KIRREL1: variants seen among roughly 807,000 people sequenced by gnomAD.
KIRREL1 encodes kin of IRRE-like protein 1.
Under a neutral mutation model 83.3 loss-of-function variants are expected in KIRREL1, and 25 were observed. The observed-to-expected ratio is 0.30, with a 90% CI of 0.22 to 0.42. The LOEUF is 0.42. KIRREL1 is among the 10% of genes least tolerant of loss of function. KIRREL1 has a pLI of 1.00. For synonymous variants in KIRREL1, 388 were observed against 410.4 expected (o/e 0.95, Z 0.66); for missense variants, 812 against 1,032.3 (o/e 0.79, Z 2.92).
chr1:158,045,867 A>G (rs987883890), intron 1 of KIRREL1, among the ~76,000 whole-genome samples: 1 of 152,162 alleles, frequency 6.6e-6, no homozygotes, highest in Non-Finnish European at 1.5e-5. Context: ...AATGAATAAC[A>G]AAGACATTCT....
chr1:158,071,054 G>A (rs988666883), intron 1 of KIRREL1, among the ~76,000 whole-genome samples: 2 of 152,084 alleles, frequency 1.3e-5, no homozygotes, highest in Non-Finnish European at 1.5e-5. Flanking sequence ...TCCCACCTCT[G>A]TCTTTCTCCT....
At chr1:158,084,264 A>G (rs980767129) in intron 3 of KIRREL1, among the ~76,000 whole-genome samples, 158 bp from the exon 4 acceptor site, 1 of 152,158 alleles carries the variant, frequency 6.6e-6, no homozygotes, top group African/African-American at 2.4e-5. Context: ...CCACCACAAG[A>G]GCAATGAAGA....
At chr1:158,084,176 A>G (rs1661951177) in intron 3 of KIRREL1, among the ~76,000 whole-genome samples, 2 of 152,142 alleles carry the variant, frequency 1.3e-5, no homozygotes, top group African/African-American at 4.8e-5. Context: ...GGCATGGAGT[A>G]CCAGAAAATA....
intron 1 of KIRREL1, among the ~76,000 whole-genome samples, chr1:158,062,342 G>A (rs1461529299): frequency 6.6e-6 from 1 of 152,172 alleles, no homozygotes; most frequent in Non-Finnish European, 1.5e-5. Flanking sequence ...TGCTCCTACA[G>A]CTCTTAATTA....
intron 1 of KIRREL1, among the ~76,000 whole-genome samples, chr1:158,027,098 G>A (rs1028279557): frequency 4.6e-5 from 7 of 152,078 alleles, no homozygotes; most frequent in Admixed American, 6.5e-5. Context: ...AATATCAATC[G>A]CAAGCCCCGC....
chr1:157,999,260 G>A (rs552408681), intron 1 of KIRREL1, among the ~76,000 whole-genome samples: 10 of 152,274 alleles, frequency 6.6e-5, no homozygotes, highest in African/African-American at 2.4e-4. Flanking sequence ...TAATCAGTGG[G>A]GCTGGGACCA....
At chr1:157,997,191 G>T (rs1659229835) in intron 1 of KIRREL1, among the ~76,000 whole-genome samples, 1 of 152,314 alleles carries the variant, frequency 6.6e-6, no homozygotes, top group South Asian at 2.1e-4. Flanking sequence ...CTCGCATCCA[G>T]CTCCCACCTC....
rs755529355 is a variant in KIRREL1, at chr1:158,096,770, A to T, written c.*1650A>T. On this transcript the variant is annotated 3_prime_UTR_variant, in exon 15 of 15. Coordinates refer to ENST00000359209, the MANE Select transcript of KIRREL1 (RefSeq NM_018240.7). The stretch of plus-strand genomic sequence containing the variant: ...CCCCTGCCCCAGCCTCGCCTTCCTA[A>T]AAAGCAGTGTCTGGAGTTGGCTGTT... 1.1e-5 allele frequency: 5 copies of T among 456,546 alleles called. No individual in the cohort carries two copies. Among genetic ancestry groups the T allele is most frequent in the Non-Finnish European group, 2.2e-5 (5 of 226,960 alleles). The allele number at this position is 456,546 out of a possible 1,614,324, so 28.3% of individuals were successfully genotyped here.
chr1:157,994,229 C>A (rs1659126506), intron 1 of KIRREL1, among the ~76,000 whole-genome samples: 1 of 152,154 alleles, frequency 6.6e-6, no homozygotes, highest in Non-Finnish European at 1.5e-5. Context: ...CCTCGGGGGT[C>A]TGAGTCTGAA....
At chr1:158,037,353 C>T (rs542836198) in intron 1 of KIRREL1, among the ~76,000 whole-genome samples, 18 of 152,120 alleles carry the variant, frequency 1.2e-4, no homozygotes, top group Non-Finnish European at 2.5e-4. Context: ...ATTAGCTGGG[C>T]GTGGTGGCAC....
chr1:158,060,330 G>A (rs542281718), intron 1 of KIRREL1, among the ~76,000 whole-genome samples: 58 of 152,264 alleles, frequency 3.8e-4, no homozygotes, highest in African/African-American at 1.4e-3. Flanking sequence ...ACCAGGATGA[G>A]CCAATTTCAC....
chr1:158,084,296 T>A (rs1040943990), intron 3 of KIRREL1, 126 bp from the exon 4 acceptor site: 223 of 816,578 alleles, frequency 2.7e-4, no homozygotes, highest in Admixed American at 1.9e-3. Flanking sequence ...GATTAGGGGG[T>A]AGGGTGGTAC....
At chr1:158,063,620 G>C (rs1661276054) in intron 1 of KIRREL1, among the ~76,000 whole-genome samples, 1 of 152,190 alleles carries the variant, frequency 6.6e-6, no homozygotes, top group African/African-American at 2.4e-5. Context: ...GCTTCCAGGA[G>C]AGCTGTGCTC....
chr1:158,086,001 G>A (rs1237978663), intron 4 of KIRREL1, among the ~76,000 whole-genome samples: 1 of 152,162 alleles, frequency 6.6e-6, no homozygotes, highest in East Asian at 1.9e-4. Context: ...TCTGAGGGCT[G>A]GGCTGGCTGA....
chr1:158,026,634 T>C (rs962596076), intron 1 of KIRREL1, among the ~76,000 whole-genome samples: 1 of 152,208 alleles, frequency 6.6e-6, no homozygotes, highest in Non-Finnish European at 1.5e-5. Context: ...TTAAAAGTGA[T>C]ATATTACTTT....
intron 1 of KIRREL1, among the ~76,000 whole-genome samples, chr1:158,031,511 G>T (rs1051385672): frequency 6.6e-6 from 1 of 152,206 alleles, no homozygotes; most frequent in African/African-American, 2.4e-5. Flanking sequence ...CCCAGTTCCA[G>T]TCCCTCTCTG....
At chr1:158,037,929 A>T (rs1342034107) in intron 1 of KIRREL1, among the ~76,000 whole-genome samples, 5 of 152,112 alleles carry the variant, frequency 3.3e-5, no homozygotes, top group Non-Finnish European at 7.4e-5. Flanking sequence ...TGGCTGATGG[A>T]CTTCCTGCGA....
chr1:157,996,099 G>C (rs1202036015), intron 1 of KIRREL1, among the ~76,000 whole-genome samples: 1 of 151,754 alleles, frequency 6.6e-6, no homozygotes, highest in Non-Finnish European at 1.5e-5. Flanking sequence ...TGGGGGAGTA[G>C]GTGTCAGCAG....
At chr1:158,069,660 G>A (rs925319674) in intron 1 of KIRREL1, among the ~76,000 whole-genome samples, 7 of 152,194 alleles carry the variant, frequency 4.6e-5, no homozygotes, top group African/African-American at 1.7e-4. Context: ...TGAGCTGGGA[G>A]GTTCCAAGAG....
Sources: gnomAD v4.1 joint callset for allele counts (sites outside exome capture counted in the v4.1 genomes callset) on GRCh38, gnomAD v4.1.1 for gene constraint, MANE v1.5 for transcripts, NCBI Gene and HGNC (gene_info 2026-07-23, HGNC 2026-07-21) for gene names.